Variants in TMEM62 observed in about 807,000 individuals in gnomAD.
TMEM62 encodes transmembrane protein 62.
Under a neutral mutation model 70.4 loss-of-function variants are expected in TMEM62, and 41 were observed. The observed-to-expected ratio is 0.58, with a 90% CI of 0.45 to 0.76. TMEM62 has a LOEUF of 0.76. Among genes scored for constraint, TMEM62 ranks in the 30% least tolerant of loss-of-function variants. TMEM62 has a pLI of 0.00. For synonymous variants in TMEM62, 268 were observed against 291.0 expected (o/e 0.92, Z 0.80); for missense variants, 688 against 788.5 (o/e 0.87, Z 1.53).
intron 10 of TMEM62, among the ~76,000 whole-genome samples, chr15:43,166,574 T>A (rs4127516): frequency 0.26 from 39,551 of 149,898 alleles, 5,867 homozygotes; most frequent in African/African-American, 0.4. Context: ...TTTTTTTTTT[T>A]ATTGATCATT....
intron 7 of TMEM62, among the ~76,000 whole-genome samples, chr15:43,150,993 C>T (rs1033495207): frequency 1.3e-5 from 2 of 152,064 alleles, no homozygotes; most frequent in Admixed American, 1.3e-4. Flanking sequence ...ATATTTTATA[C>T]CTTTTGTTAT....
Position 43,160,723 on chromosome 15 carries a change from G to A in TMEM62, c.1225G>A (p.Val409Ile), listed in dbSNP as rs2038603612. Residue 409 changes from valine to isoleucine, a missense_variant, in exon 10 of 14, where the codon GTT (valine) becomes ATT (isoleucine). Transcript: ENST00000260403. Reference sequence around the variant, plus strand: ...TAAGAGTGTTCACCACATATTTTCTGTTCAAGAGAATAATCATCTCAGTTT... The same window carrying A: ...TAAGAGTGTTCACCACATATTTTCTATTCAAGAGAATAATCATCTCAGTTT... The part of the protein sequence containing the change: ...RSKSVHHIFS[V>I]QENNHLSFDP... 8 of 1,612,596 alleles carry A rather than the reference G, an allele frequency of 5.0e-6. No homozygotes were observed. Among genetic ancestry groups the A allele is most frequent in the South Asian group, 1.1e-5 (1 of 90,970 alleles).
rs112438403 is a variant in TMEM62, at chr15:43,137,474, G to A, written c.431-1100G>A. ...TTTTAAAGTATCAATCTAATTGATTGGCATTCTGCCATTAAAAGTGTTATA... is the reference window on the plus strand; with the variant it reads ...TTTTAAAGTATCAATCTAATTGATTAGCATTCTGCCATTAAAAGTGTTATA... On this transcript the variant is annotated intron_variant, in intron 3 of 13. Transcript: ENST00000260403. 5.5e-3 allele frequency among the ~76,000 whole-genome samples: 845 copies of A among 152,334 alleles called. 8 individuals are homozygous for A. Among genetic ancestry groups the A allele is most frequent in the African/African-American group, 0.019 (801 of 41,570 alleles).
intron 8 of TMEM62, among the ~76,000 whole-genome samples, chr15:43,154,189 A>G (rs1002796887): frequency 3.9e-5 from 6 of 152,192 alleles, no homozygotes; most frequent in African/African-American, 1.4e-4. Flanking sequence ...TGGGAGCTGG[A>G]TATCAGGTTT....
chr15:43,137,967 TC>T (rs1313202690), intron 3 of TMEM62, among the ~76,000 whole-genome samples: 1 of 152,174 alleles, frequency 6.6e-6, no homozygotes, highest in Non-Finnish European at 1.5e-5. Flanking sequence ...ACAGATTTAG[TC>T]CCAACTCCAG....
chr15:43,178,834 G>A, intron 12 of TMEM62, 123 bp downstream of exon 12: 2 of 541,130 alleles, frequency 3.7e-6, no homozygotes, highest in South Asian at 3.6e-5. Flanking sequence ...ATCATTTTCT[G>A]GGACATGGTT....
chr15:43,134,455 G>T (rs1435445995), intron 2 of TMEM62, 87 bp downstream of exon 2: 5 of 1,039,840 alleles, frequency 4.8e-6, no homozygotes, highest in South Asian at 1.3e-5. Context: ...TTTTGGGGAC[G>T]TTGGGAGCAG....
At chr15:43,182,887 A>T (rs1340262620) in intron 13 of TMEM62, among the ~76,000 whole-genome samples, 1 of 152,200 alleles carries the variant, frequency 6.6e-6, no homozygotes, top group African/African-American at 2.4e-5. Context: ...AATAAATAGT[A>T]CACTAATAAT....
chr15:43,137,117 T>C (rs2035334188), intron 3 of TMEM62, among the ~76,000 whole-genome samples: 1 of 152,238 alleles, frequency 6.6e-6, no homozygotes, highest in South Asian at 2.1e-4. Context: ...ATCCTTTCCC[T>C]TTTTAAGATT....
rs1376107914 is a variant in TMEM62 at position 43,149,107 on chromosome 15, G to A, written c.822G>A (p.Gln274=). ...LMPVLHTRHF[Q]GTLELEVGDW... Reference sequence around the variant, plus strand: ...CTGTTTTGCACACTCGTCACTTCCAGGGCACTTTGGAACTTGAGGTGGGAG... The same window carrying A: ...CTGTTTTGCACACTCGTCACTTCCAAGGCACTTTGGAACTTGAGGTGGGAG... The change falls in exon 7 of 14, where the codon CAG becomes CAA. Residue 274 remains glutamine, a synonymous_variant. Coordinates refer to ENST00000260403, the MANE Select transcript of TMEM62 (RefSeq NM_024956.4). The A allele has an allele frequency of 3.1e-6, 5 of 1,613,906 alleles. No individual in the cohort carries two copies. Among genetic ancestry groups the A allele is most frequent in the African/African-American group, 1.3e-5 (1 of 74,838 alleles).
intron 9 of TMEM62, among the ~76,000 whole-genome samples, chr15:43,159,204 G>GTATC (rs1229522960): frequency 3.9e-5 from 6 of 152,162 alleles, no homozygotes; most frequent in African/African-American, 1.4e-4. Context: ...GGAAAATGGA[G>GTATC]TATCCACCCT....
intron 1 of TMEM62, 99 bp from the exon 2 acceptor site, chr15:43,134,157 CT>C: frequency 6.8e-7 from 1 of 1,468,592 alleles, no homozygotes. Context: ...TGCATTGCCT[CT>C]TTGCCTTTTC....
At chr15:43,162,620 C>A (rs868487450) in intron 10 of TMEM62, among the ~76,000 whole-genome samples, 1 of 151,826 alleles carries the variant, frequency 6.6e-6, no homozygotes, top group Admixed American at 6.6e-5. Context: ...TTAGTAGAGA[C>A]GGGGTTTCGC....
intron 11 of TMEM62, among the ~76,000 whole-genome samples, chr15:43,176,874 C>A (rs549230405): frequency 6.6e-6 from 1 of 151,980 alleles, no homozygotes; most frequent in Non-Finnish European, 1.5e-5. Flanking sequence ...AGGCTTCAGA[C>A]GATCAAACTA....
At chr15:43,169,804 A>G in intron 11 of TMEM62, 127 bp downstream of exon 11, 1 of 729,648 alleles carries the variant, frequency 1.4e-6, no homozygotes. Context: ...ACACAAACTC[A>G]AGAAGCCTTG....
At chr15:43,160,369 A>G in intron 9 of TMEM62, 1 of 197,874 alleles carries the variant, frequency 5.1e-6, no homozygotes, top group East Asian at 1.3e-4. Flanking sequence ...TGGGCAACAT[A>G]GCAAGACCCC....
intron 9 of TMEM62, among the ~76,000 whole-genome samples, chr15:43,157,997 T>C (rs1567207301): frequency 6.6e-6 from 1 of 152,060 alleles, no homozygotes; most frequent in Non-Finnish European, 1.5e-5. Flanking sequence ...CTCCCCCCTC[T>C]TTTTTGTACC....
At chr15:43,181,483 A>C (rs770504842) in intron 13 of TMEM62, among the ~76,000 whole-genome samples, 184 bp downstream of exon 13, 2 of 152,018 alleles carry the variant, frequency 1.3e-5, no homozygotes, top group Non-Finnish European at 2.9e-5. Flanking sequence ...TCCTTCCACC[A>C]CTCTCATGTA....
chr15:43,183,010 A>T (rs2041501160), intron 13 of TMEM62, among the ~76,000 whole-genome samples: 1 of 152,214 alleles, frequency 6.6e-6, no homozygotes, highest in Admixed American at 6.5e-5. Flanking sequence ...TCTAACAGGC[A>T]TCTCAACTTC....
Sources: gnomAD v4.1 joint callset for allele counts (sites outside exome capture counted in the v4.1 genomes callset) on GRCh38, gnomAD v4.1.1 for gene constraint, MANE v1.5 for transcripts, NCBI Gene and HGNC (gene_info 2026-07-23, HGNC 2026-07-21) for gene names.